Variants in CEP128 observed in about 807,000 individuals in gnomAD.
The protein encoded by CEP128 is centrosomal protein 128kDa.
In CEP128, 132 loss-of-function variants were observed where a neutral mutation model predicts 156.7. The ratio of observed to expected loss-of-function variants is 0.84; its 90% CI spans 0.73 to 0.97. The LOEUF (loss-of-function observed/expected upper bound fraction) is 0.97. CEP128 is among the 50% of genes least tolerant of loss of function. The pLI, the probability that CEP128 is intolerant of heterozygous loss-of-function variation, is 0.00. For missense variants in CEP128, 1,252 were observed against 1,281.9 expected (o/e 0.98, Z 0.36); for synonymous variants, 469 against 448.9 (o/e 1.04, Z -0.57).
chr14:80,737,068 C>T (rs147781799), intron 19 of CEP128, among the ~76,000 whole-genome samples: 4 of 152,102 alleles, frequency 2.6e-5, no homozygotes, highest in South Asian at 2.1e-4. Context: ...ACTCTAAGAG[C>T]GGGCATAATT....
chr14:80,856,862 C>A (rs1821799319), intron 9 of CEP128, among the ~76,000 whole-genome samples: 1 of 150,152 alleles, frequency 6.7e-6, no homozygotes, highest in South Asian at 2.1e-4. Flanking sequence ...TCCCAGGTGG[C>A]TGGGATTACA....
chr14:80,915,052 A>G, intron 3 of CEP128, among the ~76,000 whole-genome samples: 1 of 152,184 alleles, frequency 6.6e-6, no homozygotes, highest in Non-Finnish European at 1.5e-5. Flanking sequence ...TACTTTACTT[A>G]CTTACTTACT....
At position 80,785,380 on chromosome 14, in the gene CEP128, C is replaced by G. The variant is rs1391837896; in HGVS notation, c.1726G>C (p.Asp576His). The G allele has an allele frequency of 6.2e-7, 1 of 1,614,028 alleles. No individual in the cohort carries two copies. ...GAATTCTTAACTTCCAATTCAAGGT[C>G]AGCTTGATGAGACTTAATATCACGT... ...KLRDIKSHQA[D>H]LELEVKNSLD... The change falls in exon 15 of 25, where the codon GAC becomes CAC. Residue 576 changes from aspartate (D) to histidine (H), a missense_variant. Transcript: ENST00000555265.
chr14:80,507,891 A>G (rs1888053614), intron 23 of CEP128, among the ~76,000 whole-genome samples: 1 of 152,198 alleles, frequency 6.6e-6, no homozygotes, highest in South Asian at 2.1e-4. Context: ...TATATTTTCT[A>G]TTTAGGGAAA....
chr14:80,558,243 A>G (rs1890520267), intron 21 of CEP128, among the ~76,000 whole-genome samples: 1 of 152,102 alleles, frequency 6.6e-6, no homozygotes, highest in Non-Finnish European at 1.5e-5. Context: ...TGTTGGGTGA[A>G]AATTCCATAC....
At chr14:80,767,673 G>A (rs895369626) in intron 16 of CEP128, among the ~76,000 whole-genome samples, 2 of 152,068 alleles carry the variant, frequency 1.3e-5, no homozygotes, top group African/African-American at 4.8e-5. Flanking sequence ...CTGAGTTCTT[G>A]CACAGGAATA....
upstream of CEP128, among the ~76,000 whole-genome samples, chr14:80,946,678 A>G (rs996808863): frequency 6.6e-6 from 1 of 152,186 alleles, no homozygotes; most frequent in Non-Finnish European, 1.5e-5. Flanking sequence ...GAAGACAACT[A>G]TTATGTAAGA....
chr14:80,772,490 C>T (rs1900565065), intron 16 of CEP128, among the ~76,000 whole-genome samples: 1 of 152,180 alleles, frequency 6.6e-6, no homozygotes, highest in South Asian at 2.1e-4. Flanking sequence ...GTGCATTCAT[C>T]CTTCAAGTCC....
At chr14:80,735,857 G>T (rs752107498) in intron 19 of CEP128, among the ~76,000 whole-genome samples, 9 of 152,034 alleles carry the variant, frequency 5.9e-5, no homozygotes, top group Non-Finnish European at 1.2e-4. Context: ...GCAATCTTCA[G>T]CTGAGTCTTT....
intron 19 of CEP128, among the ~76,000 whole-genome samples, chr14:80,612,238 T>C (rs1412160165): frequency 2.6e-5 from 4 of 152,196 alleles, no homozygotes; most frequent in African/African-American, 9.7e-5. Flanking sequence ...AGCATTCTTT[T>C]ATTGTCTCTG....
intron 19 of CEP128, among the ~76,000 whole-genome samples, chr14:80,701,489 T>C (rs147640583): frequency 8.5e-5 from 13 of 152,244 alleles, no homozygotes; most frequent in African/African-American, 3.1e-4. Context: ...ACCAAATGGA[T>C]GGACCTCACT....
At chr14:80,753,232 C>G (rs888777526) in intron 18 of CEP128, among the ~76,000 whole-genome samples, 3 of 152,086 alleles carry the variant, frequency 2.0e-5, no homozygotes, top group Admixed American at 2.0e-4. Flanking sequence ...TAATAAGGAA[C>G]AGGATAAGCA....
intron 19 of CEP128, among the ~76,000 whole-genome samples, chr14:80,582,258 G>T (rs1022320966): frequency 1.1e-4 from 17 of 152,210 alleles, no homozygotes; most frequent in Admixed American, 3.9e-4. Context: ...CCAATTCACA[G>T]AACCAGGAGC....
intron 14 of CEP128, among the ~76,000 whole-genome samples, chr14:80,482,404 T>C (rs574141885): frequency 1.3e-5 from 2 of 152,318 alleles, no homozygotes; most frequent in Admixed American, 1.3e-4. Context: ...CAGTGTAGTA[T>C]GCACTTTCTT....
At chr14:80,938,844 CT>C (rs1482634518) in intron 2 of CEP128, among the ~76,000 whole-genome samples, 2 of 152,092 alleles carry the variant, frequency 1.3e-5, no homozygotes, top group African/African-American at 4.8e-5. Context: ...AGATGAATAA[CT>C]GCACACTGTG....
At chr14:80,700,689 T>C (rs1259509047) in intron 19 of CEP128, among the ~76,000 whole-genome samples, 1 of 152,194 alleles carries the variant, frequency 6.6e-6, no homozygotes, top group Non-Finnish European at 1.5e-5. Flanking sequence ...AGTTTTGTTC[T>C]GGGTTAGCAA....
chr14:80,501,149 C>G (rs952786066), intron 24 of CEP128, among the ~76,000 whole-genome samples: 3 of 151,854 alleles, frequency 2.0e-5, no homozygotes, highest in Admixed American at 2.0e-4. Flanking sequence ...AATTGAAAAA[C>G]ATGAGTGTCC....
chr14:80,508,398 C>G (rs1888085205), intron 23 of CEP128, among the ~76,000 whole-genome samples: 1 of 152,132 alleles, frequency 6.6e-6, no homozygotes, highest in Non-Finnish European at 1.5e-5. Flanking sequence ...CCAGGTCTTA[C>G]TTATAAATAT....
chr14:80,705,362 T>G (rs551613836), intron 19 of CEP128, among the ~76,000 whole-genome samples: 1 of 152,078 alleles, frequency 6.6e-6, no homozygotes, highest in East Asian at 1.9e-4. Context: ...CCAGTCTAAA[T>G]AGTGACTAAA....
Sources: allele counts gnomAD v4.1 joint callset (sites outside exome capture counted in the v4.1 genomes callset), GRCh38; gene constraint gnomAD v4.1.1; transcripts MANE v1.5; gene names NCBI Gene and HGNC (gene_info 2026-07-23, HGNC 2026-07-21).